ZFHX3: variants seen among roughly 807,000 people sequenced by gnomAD.
ZFHX3 encodes zinc finger homeobox protein 3.
A neutral mutation model predicts 279.1 loss-of-function variants in ZFHX3; 42 were observed. The observed-to-expected ratio is 0.15, with a 90% CI of 0.12 to 0.19. The LOEUF is 0.19. ZFHX3 is among the 10% of genes least tolerant of loss of function. The pLI is 1.00. For missense variants in ZFHX3, 4,981 were observed against 4,754.0 expected, an observed-to-expected ratio of 1.05 and a Z score of -1.40; for synonymous variants, 2,293 against 1,957.8, an observed-to-expected ratio of 1.17 and a Z score of -4.52.
At chr16:73,808,891 G>T (rs1408461681) in intron 1 of ZFHX3, among the ~76,000 whole-genome samples, 1 of 152,194 alleles carries the variant, frequency 6.6e-6, no homozygotes, top group Non-Finnish European at 1.5e-5. Context: ...AAGGAAGCCA[G>T]TCCTGAGGAC....
intron 2 of ZFHX3, among the ~76,000 whole-genome samples, chr16:73,663,773 A>G (rs1291235386): frequency 6.6e-6 from 1 of 152,216 alleles, no homozygotes; most frequent in Non-Finnish European, 1.5e-5. Context: ...ATTAAAACAA[A>G]ACCAAGATGG....
At chr16:73,784,416 A>G (rs1385979889) in intron 1 of ZFHX3, among the ~76,000 whole-genome samples, 2 of 152,144 alleles carry the variant, frequency 1.3e-5, no homozygotes, top group East Asian at 3.9e-4. Flanking sequence ...CCAAAAAAGA[A>G]AAAAGAAAGA....
At chr16:73,626,099 G>A (rs1023728523) in intron 2 of ZFHX3, among the ~76,000 whole-genome samples, 25 of 152,046 alleles carry the variant, frequency 1.6e-4, no homozygotes, top group African/African-American at 6.0e-4. Context: ...CTCGTGATCC[G>A]CCCGCCTCGG....
At chr16:73,357,453 T>A (rs1323730702) in intron 3 of ZFHX3, among the ~76,000 whole-genome samples, 1 of 150,888 alleles carries the variant, frequency 6.6e-6, no homozygotes, top group Non-Finnish European at 1.5e-5. Context: ...CTAAGAAGAG[T>A]ACAGGGAAGG....
chr16:72,889,787 T>G lies in ZFHX3; in HGVS notation c.3392A>C (p.Glu1131Ala). 1 of 1,613,496 alleles carries G rather than the reference T, an allele frequency of 6.2e-7. No individual in the cohort carries two copies. Among genetic ancestry groups the G allele is most frequent in the Non-Finnish European group, 8.5e-7 (1 of 1,180,028 alleles). The change falls in exon 4 of 10, where the codon GAG (glutamate) becomes GCG (alanine). Residue 1131 changes from glutamate to alanine, a missense_variant. Around this residue, in one of 7 missense-constraint regions of ZFHX3, gnomAD observed 1,751 missense variants for 1,770.0 expected, o/e 0.99. Transcript: ENST00000268489. ...LQRLQKGLPE[E>A]DEDLGQIFTI... ...GAAGATCTGCCCCAGGTCCTCGTCC[T>G]CCTCTGGAAGGCCCTTCTGCAGCCG...
At chr16:73,502,559 G>A (rs2019257035) in intron 2 of ZFHX3, among the ~76,000 whole-genome samples, 1 of 152,020 alleles carries the variant, frequency 6.6e-6, no homozygotes, top group Admixed American at 6.5e-5. Flanking sequence ...GGAGAATGTG[G>A]CCTTCAGATC....
intron 3 of ZFHX3, among the ~76,000 whole-genome samples, chr16:72,910,663 G>C (rs942582170): frequency 6.6e-6 from 1 of 152,146 alleles, no homozygotes; most frequent in African/African-American, 2.4e-5. Context: ...TGGCAAATTG[G>C]CAGTGGCTGA....
intron 2 of ZFHX3, among the ~76,000 whole-genome samples, chr16:73,569,158 A>G (rs1395204358): frequency 6.6e-6 from 1 of 152,182 alleles, no homozygotes; most frequent in Admixed American, 6.5e-5. Flanking sequence ...AAGCTGACTT[A>G]TAAGAAAGGA....
chr16:73,215,220 G>T (rs2012162940), intron 5 of ZFHX3, among the ~76,000 whole-genome samples: 2 of 152,172 alleles, frequency 1.3e-5, no homozygotes, highest in African/African-American at 4.8e-5. Context: ...CAGTAATCCT[G>T]CAAGAATCTG....
At chr16:73,021,514 A>G (rs1964295759) in intron 1 of ZFHX3, among the ~76,000 whole-genome samples, 2 of 152,160 alleles carry the variant, frequency 1.3e-5, no homozygotes. Context: ...AATTGAGCTC[A>G]GACTAGATCG....
intron 5 of ZFHX3, among the ~76,000 whole-genome samples, chr16:73,189,714 A>G (rs1381380993): frequency 6.6e-6 from 1 of 152,132 alleles, no homozygotes; most frequent in Non-Finnish European, 1.5e-5. Flanking sequence ...ATGGGGAAGG[A>G]GTTGTCTTGG....
chr16:73,037,852 A>C (rs1480948500), intron 1 of ZFHX3, among the ~76,000 whole-genome samples: 1 of 152,118 alleles, frequency 6.6e-6, no homozygotes, highest in African/African-American at 2.4e-5. Flanking sequence ...CCACCGGTTA[A>C]GCTATAGAGC....
At chr16:72,978,433 A>C (rs887117626) in intron 1 of ZFHX3, among the ~76,000 whole-genome samples, 5 of 152,154 alleles carry the variant, frequency 3.3e-5, no homozygotes, top group Non-Finnish European at 7.4e-5. Flanking sequence ...AAGTGATGGG[A>C]AATTCCATTA....
intron 5 of ZFHX3, among the ~76,000 whole-genome samples, chr16:72,827,251 G>A (rs2036955585): frequency 6.6e-6 from 1 of 152,198 alleles, no homozygotes; most frequent in Admixed American, 6.5e-5. Flanking sequence ...ACTGCTACCA[G>A]TTTTCCTCAT....
intron 1 of ZFHX3, among the ~76,000 whole-genome samples, chr16:73,703,234 C>T (rs934326893): frequency 1.1e-4 from 16 of 151,850 alleles, no homozygotes; most frequent in Admixed American, 3.3e-4. Flanking sequence ...TGGAAGGGTG[C>T]CTCCCCCTCC....
chr16:73,543,726 C>G (rs2020057218), intron 2 of ZFHX3, among the ~76,000 whole-genome samples: 1 of 151,440 alleles, frequency 6.6e-6, no homozygotes, highest in Non-Finnish European at 1.5e-5. Context: ...CCCCCACCTT[C>G]TCTTCTCCTC....
chr16:73,272,644 T>C (rs866930234), intron 4 of ZFHX3, among the ~76,000 whole-genome samples: 3 of 152,194 alleles, frequency 2.0e-5, no homozygotes, highest in African/African-American at 7.2e-5. Context: ...TTGGAGAAAG[T>C]AAAAAGGAAC....
chr16:73,705,928 A>G (rs538927933), intron 1 of ZFHX3, among the ~76,000 whole-genome samples: 1 of 152,192 alleles, frequency 6.6e-6, no homozygotes, highest in East Asian at 1.9e-4. Flanking sequence ...GACTCTTGTT[A>G]TACCTCACAG....
chr16:73,555,301 C>A (rs2020261052), intron 2 of ZFHX3, among the ~76,000 whole-genome samples: 1 of 150,930 alleles, frequency 6.6e-6, no homozygotes, highest in Non-Finnish European at 1.5e-5. Flanking sequence ...ACTACAGGCA[C>A]CCGCCACCAC....
Sources: gnomAD v4.1 joint callset for allele counts (sites outside exome capture counted in the v4.1 genomes callset) on GRCh38, gnomAD v4.1.1 for gene constraint, gnomAD v4.1.1 regional missense constraint, MANE v1.5 for transcripts, NCBI Gene and HGNC (gene_info 2026-07-23, HGNC 2026-07-21) for gene names.